Variants in SLC30A8 observed in about 807,000 individuals in gnomAD.
SLC30A8 encodes proton-coupled zinc antiporter SLC30A8.
SLC30A8 carries 27 observed loss-of-function variants against 36.9 expected under a neutral mutation model. The ratio of observed to expected loss-of-function variants is 0.73; its 90% CI spans 0.54 to 1.01. SLC30A8 has a LOEUF of 1.01. Among genes scored for constraint, SLC30A8 ranks in the 50% least tolerant of loss-of-function variants. The pLI is 0.00. For missense variants in SLC30A8, 439 were observed against 452.0 expected (o/e 0.97, Z 0.26); for synonymous variants, 164 against 172.4 (o/e 0.95, Z 0.38).
intron 1 of SLC30A8, among the ~76,000 whole-genome samples, chr8:116,972,481 GA>G (rs1158086644): frequency 1.3e-5 from 2 of 152,224 alleles, no homozygotes; most frequent in African/African-American, 4.8e-5. Context: ...AAGAGACGTA[GA>G]AAAGAAACCA....
intron 2 of SLC30A8, among the ~76,000 whole-genome samples, chr8:117,045,839 G>C (rs183450365): frequency 1.2e-3 from 185 of 152,070 alleles, no homozygotes; most frequent in Middle Eastern, 3.4e-3. Context: ...CAGACCAGCC[G>C]ATGGCCCCGC....
intron 1 of SLC30A8, among the ~76,000 whole-genome samples, chr8:116,982,036 A>G (rs1477792040): frequency 6.6e-6 from 1 of 152,192 alleles, no homozygotes; most frequent in East Asian, 1.9e-4. Flanking sequence ...TCCCACCAGC[A>G]GTGTATAAAC....
At chr8:117,095,932 T>C (rs1819339974) in intron 2 of SLC30A8, among the ~76,000 whole-genome samples, 1 of 152,066 alleles carries the variant, frequency 6.6e-6, no homozygotes, top group African/African-American at 2.4e-5. Context: ...CACACCCAGT[T>C]TGGGTAAGAG....
intron 2 of SLC30A8, among the ~76,000 whole-genome samples, chr8:117,080,387 C>A (rs777408440): frequency 5.3e-5 from 8 of 151,854 alleles, no homozygotes; most frequent in Non-Finnish European, 1.0e-4. Flanking sequence ...GTAACAAACA[C>A]AGGTTTGTTA....
At chr8:117,045,241 T>A (rs1048001751) in intron 2 of SLC30A8, among the ~76,000 whole-genome samples, 37 of 152,188 alleles carry the variant, frequency 2.4e-4, no homozygotes, top group African/African-American at 8.4e-4. Context: ...AGGAACCTTT[T>A]ACAATCTGGA....
At chr8:117,020,513 C>T (rs1027152095) in intron 1 of SLC30A8, among the ~76,000 whole-genome samples, 16 of 152,182 alleles carry the variant, frequency 1.1e-4, no homozygotes, top group African/African-American at 3.4e-4. Context: ...ACCTAGCAGT[C>T]TTATTCAGGA....
chr8:116,988,127 G>A (rs775476772), intron 1 of SLC30A8, among the ~76,000 whole-genome samples: 5 of 152,190 alleles, frequency 3.3e-5, no homozygotes, highest in African/African-American at 4.8e-5. Context: ...AGACTTATAA[G>A]AGTGATGTAT....
At chr8:117,157,927 A>G in intron 4 of SLC30A8, 83 bp downstream of exon 4, 4 of 1,471,532 alleles carry the variant, frequency 2.7e-6, no homozygotes, top group Non-Finnish European at 3.7e-6. Context: ...TAAAAAACTC[A>G]GTACATGTGA....
Position 117,135,348 on chromosome 8 carries a change from G to GT in SLC30A8, c.22dup (p.Tyr8LeufsTer5). ...CCGTCATGGAGTTTCTTGAAAGAAC[G>GT]TATCTTGTGAATGATAAAGCTGCCA... On this transcript the variant is annotated frameshift_variant, in exon 1 of 8. Coordinates refer to ENST00000456015, the MANE Select transcript of SLC30A8 (RefSeq NM_173851.3). LOFTEE classifies it high-confidence loss of function. The GT allele has an allele frequency of 6.3e-7, 1 of 1,598,868 alleles. No homozygotes were observed.
chr8:117,146,958 G>A lies in SLC30A8; in HGVS notation c.76G>A (p.Glu26Lys). The A allele has an allele frequency of 1.2e-6, 2 of 1,613,852 alleles. No individual in the cohort carries two copies. Among genetic ancestry groups the A allele is most frequent in the Non-Finnish European group, 8.5e-7 (1 of 1,179,888 alleles). Residue 26 changes from glutamate to lysine, a missense_variant, in exon 2 of 8, where the codon GAA becomes AAA. Transcript: ENST00000456015. Reference sequence around the variant, plus strand: ...TTCTGTCAAACTCATCCATAGTGTGGAACTCCAACAGAAACCGGTGAATAA... The same window carrying A: ...TTCTGTCAAACTCATCCATAGTGTGAAACTCCAACAGAAACCGGTGAATAA... ...KMYAFTLESVELQQKPVNKDQ... is the reference protein window; with the variant it reads ...KMYAFTLESVKLQQKPVNKDQ...
chr8:117,152,828 C>CT (rs1822256087), intron 2 of SLC30A8, 116 bp from the exon 3 acceptor site: 2 of 808,008 alleles, frequency 2.5e-6, no homozygotes, highest in African/African-American at 1.7e-5. Flanking sequence ...TTTAAGATCT[C>CT]TTTTTCCTCT....
At chr8:117,145,630 T>A (rs1409056601) in intron 1 of SLC30A8, among the ~76,000 whole-genome samples, 1 of 152,104 alleles carries the variant, frequency 6.6e-6, no homozygotes, top group Non-Finnish European at 1.5e-5. Flanking sequence ...AGTTTATTTT[T>A]AAAAATTTAA....
chr8:117,115,120 T>G (rs115449313), intron 2 of SLC30A8, among the ~76,000 whole-genome samples: 3 of 151,954 alleles, frequency 2.0e-5, no homozygotes, highest in Non-Finnish European at 2.9e-5. Context: ...TTTTATTTTT[T>G]GTAGAGACAG....
At chr8:117,012,724 T>TACACGC (rs1554623572) in intron 1 of SLC30A8, among the ~76,000 whole-genome samples, 3 of 126,276 alleles carry the variant, frequency 2.4e-5, no homozygotes, top group Non-Finnish European at 5.1e-5. Context: ...GACATATGTA[T>TACACGC]ACACACACAC....
chr8:116,978,946 T>C (rs1469003107), intron 1 of SLC30A8, among the ~76,000 whole-genome samples: 1 of 149,872 alleles, frequency 6.7e-6, no homozygotes, highest in Non-Finnish European at 1.5e-5. Context: ...TTTTTTTAAA[T>C]CATAAGGAGG....
intron 2 of SLC30A8, among the ~76,000 whole-genome samples, chr8:117,080,058 G>A (rs1396678925): frequency 6.6e-6 from 1 of 152,140 alleles, no homozygotes; most frequent in African/African-American, 2.4e-5. Context: ...TACAGACAAG[G>A]AGCGAACTCA....
In SLC30A8 at chr8:117,152,944, G is replaced by A; in HGVS notation, c.272G>A (p.Gly91Asp). ...CAGTGTACTATTTTGCATTCTCTAG[G>A]TGGGCACATTGCTGGGAGTCTTGCT... is the stretch of plus-strand genomic sequence containing the variant. ...CFIFMIAEVV[G>D]GHIAGSLAVV... The change falls in exon 3 of 8, where the codon GGT becomes GAT. Residue 91 changes from glycine (G) to aspartate (D), a missense_variant and splice_region_variant. Physicochemically the swap from Gly to Asp is moderately conservative, Grantham distance 94 (BLOSUM62 -1). Coordinates refer to ENST00000456015, the MANE Select transcript of SLC30A8 (RefSeq NM_173851.3). The A allele has an allele frequency of 6.3e-7, 1 of 1,597,772 alleles. No individual in the cohort carries two copies. The highest frequency in any genetic ancestry group is 2.2e-5 in the East Asian group (1 of 44,614).
intron 2 of SLC30A8, among the ~76,000 whole-genome samples, chr8:117,150,814 C>G (rs993806761): frequency 1.3e-5 from 2 of 152,058 alleles, no homozygotes; most frequent in Non-Finnish European, 2.9e-5. Flanking sequence ...ACCGTGTTAG[C>G]CAGGATGGTC....
At chr8:117,133,761 C>A (rs192747606), upstream of SLC30A8, among the ~76,000 whole-genome samples, 1 of 151,936 alleles carries the variant, frequency 6.6e-6, no homozygotes, top group Non-Finnish European at 1.5e-5. Context: ...CACAGAATAA[C>A]TGATTACTTT....
Sources: allele counts gnomAD v4.1 joint callset (sites outside exome capture counted in the v4.1 genomes callset), GRCh38; gene constraint gnomAD v4.1.1; transcripts MANE v1.5; gene names NCBI Gene and HGNC (gene_info 2026-07-23, HGNC 2026-07-21).